MYRIP: variants seen among roughly 807,000 people sequenced by gnomAD.
MYRIP encodes myosin VIIA and Rab interacting protein.
In MYRIP, 49 loss-of-function variants were observed where a neutral mutation model predicts 98.0. That is an observed-to-expected ratio of 0.50 (90% CI 0.40 to 0.63). The LOEUF is 0.63. Among genes scored for constraint, MYRIP ranks in the 30% least tolerant of loss-of-function variants. The pLI is 0.00. For missense variants in MYRIP, 1,004 were observed against 1,058.2 expected, an observed-to-expected ratio of 0.95 and a Z score of 0.71; for synonymous variants, 404 against 409.5, an observed-to-expected ratio of 0.99 and a Z score of 0.16.
At chr3:40,152,643 T>C (rs1240215621) in intron 4 of MYRIP, among the ~76,000 whole-genome samples, 5 of 152,180 alleles carry the variant, frequency 3.3e-5, no homozygotes, top group Non-Finnish European at 5.9e-5. Context: ...TTCACCACTT[T>C]ATTCATCTGA....
chr3:39,955,436 A>C (rs1380429259), intron 2 of MYRIP, among the ~76,000 whole-genome samples: 2 of 152,174 alleles, frequency 1.3e-5, no homozygotes, highest in African/African-American at 4.8e-5. Context: ...TAAGCTTCAT[A>C]AATGAAGGAG....
At chr3:39,919,890 G>A (rs1215386011) in intron 2 of MYRIP, among the ~76,000 whole-genome samples, 1 of 152,106 alleles carries the variant, frequency 6.6e-6, no homozygotes, top group African/African-American at 2.4e-5. Context: ...GAAAATGTAA[G>A]AGCTAAGGGG....
chr3:40,234,567 T>C (rs1422100945), intron 12 of MYRIP, among the ~76,000 whole-genome samples: 1 of 151,466 alleles, frequency 6.6e-6, no homozygotes. Context: ...GGGAGAGGAG[T>C]ATAGAGAAAC....
intron 2 of MYRIP, among the ~76,000 whole-genome samples, chr3:39,960,263 T>C (rs760734422): frequency 3.3e-5 from 5 of 152,008 alleles, no homozygotes; most frequent in Non-Finnish European, 7.4e-5. Context: ...TGTCAGTCCC[T>C]CTCCCCCCAT....
At chr3:40,007,596 C>T (rs1035946896) in intron 2 of MYRIP, among the ~76,000 whole-genome samples, 1 of 152,130 alleles carries the variant, frequency 6.6e-6, no homozygotes, top group Non-Finnish European at 1.5e-5. Context: ...CATTGTGTGC[C>T]GAGTATCTAA....
intron 1 of MYRIP, among the ~76,000 whole-genome samples, chr3:39,881,958 C>T (rs1943167482): frequency 6.6e-6 from 1 of 151,240 alleles, no homozygotes; most frequent in Admixed American, 6.6e-5. Context: ...GGTTTTTTTC[C>T]CATCTTTTTT....
intron 2 of MYRIP, among the ~76,000 whole-genome samples, chr3:39,939,603 T>C (rs535035782): frequency 6.6e-6 from 1 of 152,282 alleles, no homozygotes; most frequent in Admixed American, 6.5e-5. Flanking sequence ...GCAGAATTTT[T>C]GCAAAGTGCC....
At chr3:40,217,319 C>T (rs1245587180) in intron 11 of MYRIP, among the ~76,000 whole-genome samples, 1 of 152,074 alleles carries the variant, frequency 6.6e-6, no homozygotes, top group Non-Finnish European at 1.5e-5. Context: ...GAATAGACAT[C>T]AAAAATTCTC....
At chr3:40,099,993 C>T in intron 3 of MYRIP, 2 of 985,204 alleles carry the variant, frequency 2.0e-6, no homozygotes, top group Non-Finnish European at 1.2e-6. Flanking sequence ...CCGTCACCTC[C>T]CTTCTGAAAC....
chr3:40,143,492 C>T (rs146305891), intron 3 of MYRIP, among the ~76,000 whole-genome samples: 13 of 152,118 alleles, frequency 8.5e-5, no homozygotes, highest in African/African-American at 1.2e-4. Flanking sequence ...TTTAAATAAA[C>T]GCAATAAAAT....
Position 39,952,430 on chromosome 3 carries a change from A to G in MYRIP, c.110+51504A>G, listed in dbSNP as rs141833073. ...ACATGCTTTTTCTGTATCTATTAAA[A>G]TGATGATGTGGTTTTTGCCCTTTTT... On this transcript the variant is annotated intron_variant, in intron 2 of 16. Coordinates refer to ENST00000302541, the MANE Select transcript of MYRIP (RefSeq NM_015460.4). Among the ~76,000 whole-genome samples the G allele has an allele frequency of 4.8e-3, 729 of 152,320 alleles. 1 individual carries two copies. Among genetic ancestry groups the G allele is most frequent in the Middle Eastern group, 0.024 (7 of 294 alleles).
At chr3:40,041,094 T>C (rs969244644) in intron 2 of MYRIP, among the ~76,000 whole-genome samples, 1 of 140,908 alleles carries the variant, frequency 7.1e-6, no homozygotes, top group African/African-American at 2.6e-5. Flanking sequence ...TGCATCCATA[T>C]TGATAAACAA....
chr3:40,201,303 T>C (rs1055469965), intron 10 of MYRIP, among the ~76,000 whole-genome samples: 1 of 152,146 alleles, frequency 6.6e-6, no homozygotes. Flanking sequence ...TCTAATTCCA[T>C]CAGATAGGAG....
chr3:40,213,880 C>A (rs1021750359), intron 11 of MYRIP, among the ~76,000 whole-genome samples: 1 of 152,110 alleles, frequency 6.6e-6, no homozygotes, highest in Non-Finnish European at 1.5e-5. Flanking sequence ...TGTAAATATC[C>A]CAGCTCCTTT....
intron 2 of MYRIP, among the ~76,000 whole-genome samples, chr3:39,977,272 A>C: frequency 6.6e-6 from 1 of 152,086 alleles, no homozygotes; most frequent in African/African-American, 2.4e-5. Context: ...GAAGGAAATG[A>C]GGGGGGCAAG....
Position 39,813,324 on chromosome 3 carries a change from G to C in MYRIP, c.-31+3408G>C, listed in dbSNP as rs544886899. 3.9e-5 allele frequency among the ~76,000 whole-genome samples: 6 copies of C among 152,328 alleles called. No homozygotes were observed. The South Asian group carries it at 1.2e-3, about 32-fold the overall frequency. On this transcript the variant is annotated intron_variant, in intron 1 of 16. Coordinates refer to ENST00000302541, the MANE Select transcript of MYRIP (RefSeq NM_015460.4). ...ATATGGAGAAGGCTAAGTGGACCCA[G>C]CTGGTGCCCTTCTCCCATCCATCAC...
At chr3:40,096,012 A>C in intron 3 of MYRIP, among the ~76,000 whole-genome samples, 1 of 147,188 alleles carries the variant, frequency 6.8e-6, no homozygotes, top group Non-Finnish European at 1.5e-5. Flanking sequence ...TCCCCCTCAC[A>C]CTCCATACCA....
At chr3:40,170,211 G>C in intron 8 of MYRIP, 118 bp downstream of exon 8, 1 of 1,342,758 alleles carries the variant, frequency 7.4e-7, no homozygotes, top group Non-Finnish European at 1.0e-6. Context: ...AGAAGGATGG[G>C]GAGCGAAATT....
intron 2 of MYRIP, among the ~76,000 whole-genome samples, chr3:39,998,557 T>G (rs1382858390): frequency 6.6e-6 from 1 of 152,308 alleles, no homozygotes; most frequent in East Asian, 1.9e-4. Context: ...GAACATTCCA[T>G]GCTCACAGGT....
Sources: gnomAD v4.1 joint callset for allele counts (sites outside exome capture counted in the v4.1 genomes callset) on GRCh38, gnomAD v4.1.1 for gene constraint, MANE v1.5 for transcripts, NCBI Gene and HGNC (gene_info 2026-07-23, HGNC 2026-07-21) for gene names.